DGKZ: variants seen among roughly 807,000 people sequenced by gnomAD.
DGKZ encodes the protein diacylglycerol kinase zeta.
In DGKZ, 45 loss-of-function variants were observed where a neutral mutation model predicts 142.5. The ratio of observed to expected loss-of-function variants is 0.32; its 90% CI spans 0.25 to 0.40. The LOEUF (loss-of-function observed/expected upper bound fraction) is 0.40. DGKZ is among the 10% of genes least tolerant of loss of function. The probability of loss-of-function intolerance (pLI) is 1.00; values close to 1 mark genes in which losing one functional copy is unlikely to be tolerated. For missense variants in DGKZ, 755 were observed against 1,306.5 expected (o/e 0.58, Z 6.51); for synonymous variants, 442 against 527.0 (o/e 0.84, Z 2.21).
intron 9 of DGKZ, 42 bp downstream of exon 9, chr11:46,371,817 G>T: frequency 6.3e-7 from 1 of 1,592,662 alleles, no homozygotes; most frequent in Non-Finnish European, 8.6e-7. Context: ...GAGCAGGAGA[G>T]AGGGGTCTGT....
At chr11:46,355,348 T>A (rs1409316651) in intron 1 of DGKZ, among the ~76,000 whole-genome samples, 1 of 152,154 alleles carries the variant, frequency 6.6e-6, no homozygotes, top group African/African-American at 2.4e-5. Context: ...GACCTCGTGA[T>A]CCGCCCGCCT....
rs749212108 is a variant in DGKZ at position 46,368,232 on chromosome 11, C to T, written c.444+153C>T. 42 of 775,540 alleles carry T rather than the reference C, an allele frequency of 5.4e-5. 1 individual carries two copies. The South Asian group carries it at 5.9e-4, about 11-fold the overall frequency. 48.0% of individuals were successfully genotyped at this position (775,540 alleles called of 1,614,324 possible). On this transcript the variant is annotated intron_variant, in intron 4 of 30. Transcript: ENST00000527911. ...CAAGGACCCTGGAGCCAAATGCCTG[C>T]GTTCGAATCCTGGCTCCTCACTGAT...
chr11:46,359,790 G>A lies in DGKZ; in HGVS notation c.162-7501G>A, dbSNP rs1380104599. On this transcript the variant is annotated intron_variant, in intron 1 of 30. Transcript: ENST00000527911. ...GGCTAATTTTTTTTTTTTTTTTTTT[G>A]TATTGTTAGTAGAGACGGGGTTTTG... 2.8e-4 allele frequency among the ~76,000 whole-genome samples: 18 copies of A among 64,216 alleles called. No individual in the cohort carries two copies. The Admixed American group carries it at 3.2e-3, about 11-fold the overall frequency. 42.1% of individuals were successfully genotyped at this position (64,216 alleles called of 152,430 possible). A position where few individuals can be genotyped will look rare whatever the true frequency, so the allele number is the denominator to read the frequency against.
At chr11:46,368,105 G>A (rs754439878) in intron 4 of DGKZ, 26 bp downstream of exon 4, 8 of 1,611,908 alleles carry the variant, frequency 5.0e-6, no homozygotes, top group East Asian at 2.2e-5. Context: ...AGCTTTGCCC[G>A]CCCCTGCCCT....
chr11:46,335,453 ACG>A (rs1491529568), intron 1 of DGKZ, among the ~76,000 whole-genome samples: 139 of 151,102 alleles, frequency 9.2e-4, no homozygotes, highest in African/African-American at 3.3e-3. Flanking sequence ...ACACACACAC[ACG>A]CACACAGCGG....
intron 1 of DGKZ, chr11:46,366,209 C>T (rs1308742639): frequency 1.3e-6 from 2 of 1,518,774 alleles, no homozygotes; most frequent in Admixed American, 2.1e-5. Flanking sequence ...TGGCCTGATC[C>T]AGCTCCTGAT....
intron 1 of DGKZ, chr11:46,366,941 C>A: frequency 6.5e-7 from 1 of 1,538,962 alleles, no homozygotes; most frequent in South Asian, 1.2e-5. Flanking sequence ...GGTAGCCCTA[C>A]GGCGCAAGGC....
intron 1 of DGKZ, among the ~76,000 whole-genome samples, chr11:46,349,800 G>A (rs747590842): frequency 6.6e-5 from 10 of 152,180 alleles, no homozygotes; most frequent in Non-Finnish European, 1.3e-4. Context: ...AAGTCAAGTT[G>A]GTGTGATTCC....
chr11:46,378,323 A>C, intron 26 of DGKZ, 94 bp downstream of exon 26: 1 of 1,543,432 alleles, frequency 6.5e-7, no homozygotes, highest in Non-Finnish European at 8.8e-7. Context: ...AGCCTTACAC[A>C]AACACAGCCT....
chr11:46,342,985 A>G (rs1473093044), upstream of DGKZ, among the ~76,000 whole-genome samples: 1 of 152,138 alleles, frequency 6.6e-6, no homozygotes, highest in Non-Finnish European at 1.5e-5. Flanking sequence ...TTAGCTGGGC[A>G]TGGTAGCGCA....
Position 46,372,086 on chromosome 11 carries a change from G to C in DGKZ, c.843G>C (p.Trp281Cys), listed in dbSNP as rs1387017367. 6.2e-7 allele frequency: 1 copy of C among 1,610,312 alleles called. No individual in the cohort carries two copies. The highest frequency in any genetic ancestry group is 1.7e-5 in the Admixed American group (1 of 59,750). The stretch of plus-strand genomic sequence containing the variant: ...ACCTTGTCTCCCAGGAGGGCCGCTG[G>C]AGACCCTTCATCATCAGGCCCACCC... The change falls in exon 10 of 31, where the codon TGG becomes TGC. Residue 281 changes from tryptophan (W) to cysteine (C), a missense_variant. By Grantham distance (215) the Trp-to-Cys change is radical. Around this residue, in one of 8 missense-constraint regions of DGKZ, gnomAD observed 142 missense variants for 244.4 expected, o/e 0.58. Coordinates refer to ENST00000527911, the Ensembl canonical transcript of DGKZ. This position sits in a 1 kb window ranked among gnomAD's most constrained non-coding sequence, Gnocchi z 5.9.
chr11:46,345,464 G>C (rs1411738039), upstream of DGKZ: 3 of 1,498,836 alleles, frequency 2.0e-6, no homozygotes, highest in African/African-American at 4.4e-5. The surrounding 1 kb of genome is among the most constrained non-coding windows in gnomAD (Gnocchi z 4.1). Context: ...TGAATCCTCA[G>C]CTCTGGGCCC....
intron 1 of DGKZ, among the ~76,000 whole-genome samples, chr11:46,339,822 A>C (rs1247341105): frequency 6.6e-6 from 1 of 152,220 alleles, no homozygotes; most frequent in Admixed American, 6.5e-5. Context: ...CAGAGTTTTC[A>C]GAAAGGCCCC....
chr11:46,336,337 G>A (rs1425808927), intron 1 of DGKZ, among the ~76,000 whole-genome samples: 2 of 152,228 alleles, frequency 1.3e-5, no homozygotes. Context: ...GGGGAGGGGG[G>A]AAGGGCAAGA....
chr11:46,371,236 G>A, intron 6 of DGKZ, 77 bp from the exon 7 acceptor site: 2 of 1,417,688 alleles, frequency 1.4e-6, no homozygotes, highest in East Asian at 2.3e-5. Flanking sequence ...TGGGTGGAGA[G>A]AGGCTGGCAC....
Position 46,367,339 on chromosome 11 carries a change from C to G in DGKZ, c.210C>G (p.Pro70=). The G allele has an allele frequency of 6.2e-7, 1 of 1,613,102 alleles. No individual in the cohort carries two copies. The highest frequency in any genetic ancestry group is 8.5e-7 in the Non-Finnish European group (1 of 1,179,994). ...TCCAGCACCTGGCCCCCCCTCCGCC[C>G]ACCCCTGGGGCCCCGTGCAGCGAGT... Residue 70 remains proline, a synonymous_variant, in exon 2 of 31, where the codon CCC becomes CCG. Transcript: ENST00000527911. The surrounding 1 kb of genome is among the most constrained non-coding windows in gnomAD (Gnocchi z 4.1).
intron 29 of DGKZ, 78 bp from the exon 30 acceptor site, chr11:46,379,391 C>G: frequency 1.3e-6 from 2 of 1,573,372 alleles, no homozygotes; most frequent in South Asian, 1.2e-5. Context: ...ACTTCCTGCC[C>G]TTTCTGATGG....
At position 46,369,954 on chromosome 11, in the gene DGKZ, G is replaced by A. The variant is rs373801182; in HGVS notation, c.515G>A (p.Arg172Gln). The A allele has an allele frequency of 3.3e-5, 53 of 1,613,694 alleles. No individual in the cohort carries two copies. The highest frequency in any genetic ancestry group is 1.3e-4 in the Admixed American group (8 of 60,002). Residue 172 changes from arginine (R) to glutamine (Q), a missense_variant, in exon 6 of 31, where the codon CGG becomes CAG. Physicochemically the swap from Arg to Gln is conservative, Grantham distance 43. Transcript: ENST00000527911. ...CTTCTCCCCCAGCCAACCTTTGTAC[G>A]GCACCACTGGGTACACAGACGACGC...
chr11:46,378,838 CAG>C, intron 27 of DGKZ, 151 bp from the exon 28 acceptor site: 1 of 1,283,644 alleles, frequency 7.8e-7, no homozygotes, highest in Non-Finnish European at 1.1e-6. Context: ...CGGTGTGCTC[CAG>C]AGAGACCCAC....
Sources: gnomAD v4.1 joint callset for allele counts (sites outside exome capture counted in the v4.1 genomes callset) on GRCh38, gnomAD v4.1.1 for gene constraint, gnomAD v4.1.1 regional missense constraint, Gnocchi (gnomAD v3.1) non-coding constraint, MANE v1.5 for transcripts, NCBI Gene and HGNC (gene_info 2026-07-23, HGNC 2026-07-21) for gene names.